The following HACD2 variants were observed in gnomAD, a reference collection of about 807,000 sequenced individuals.
HACD2 encodes the protein 3-hydroxyacyl-CoA dehydratase 2.
Under a neutral mutation model 31.0 loss-of-function variants are expected in HACD2, and 15 were observed. The observed-to-expected ratio is 0.48, with a 90% CI of 0.32 to 0.75. HACD2 has a LOEUF of 0.75. Among genes scored for constraint, HACD2 ranks in the 30% least tolerant of loss-of-function variants. HACD2 has a pLI of 0.03. For synonymous variants in HACD2, 115 were observed against 122.2 expected (o/e 0.94, Z 0.39); for missense variants, 283 against 313.0 (o/e 0.90, Z 0.72).
intron 4 of HACD2, among the ~76,000 whole-genome samples, chr3:123,509,699 C>A (rs1169140007): frequency 6.6e-6 from 1 of 152,000 alleles, no homozygotes; most frequent in East Asian, 2.0e-4. Flanking sequence ...TGGGGTTTCA[C>A]CGTGTTAGCC....
intron 3 of HACD2, among the ~76,000 whole-genome samples, chr3:123,540,754 A>G (rs1273763361): frequency 6.6e-6 from 1 of 152,150 alleles, no homozygotes; most frequent in Non-Finnish European, 1.5e-5. Flanking sequence ...CACATCACAG[A>G]CAGTTTTTTT....
chr3:123,565,645 G>A (rs1253429948), intron 3 of HACD2, among the ~76,000 whole-genome samples: 4 of 152,130 alleles, frequency 2.6e-5, no homozygotes, highest in African/African-American at 9.7e-5. Context: ...GCCAGAACCG[G>A]CTAAGATACT....
chr3:123,511,678 A>G (rs1423956272), intron 4 of HACD2, among the ~76,000 whole-genome samples: 1 of 152,198 alleles, frequency 6.6e-6, no homozygotes, highest in African/African-American at 2.4e-5. Flanking sequence ...TTGTGCATCA[A>G]CTGACCCAAG....
At chr3:123,542,065 T>G (rs2056497519) in intron 3 of HACD2, among the ~76,000 whole-genome samples, 1 of 132,590 alleles carries the variant, frequency 7.5e-6, no homozygotes, top group African/African-American at 2.9e-5. Flanking sequence ...GAGAATGGCG[T>G]GAACCCGGGA....
intron 2 of HACD2, among the ~76,000 whole-genome samples, chr3:123,576,772 T>G (rs1193290499): frequency 6.6e-6 from 1 of 152,224 alleles, no homozygotes; most frequent in Non-Finnish European, 1.5e-5. Flanking sequence ...AATCAGTTAG[T>G]GTTTGAGCCA....
At chr3:123,499,466 T>C (rs1273602046) in intron 6 of HACD2, 2 of 361,808 alleles carry the variant, frequency 5.5e-6, no homozygotes, top group Non-Finnish European at 1.1e-5. Flanking sequence ...GAAGCAGAAC[T>C]GTATCCAAGA....
chr3:123,528,898 T>C (rs149017901), intron 3 of HACD2, among the ~76,000 whole-genome samples: 99 of 152,354 alleles, frequency 6.5e-4, no homozygotes, highest in African/African-American at 2.3e-3. Flanking sequence ...TGGAAGCTCA[T>C]GGACATCAGA....
At chr3:123,505,215 G>A (rs2055959557) in intron 4 of HACD2, among the ~76,000 whole-genome samples, 1 of 152,196 alleles carries the variant, frequency 6.6e-6, no homozygotes, top group South Asian at 2.1e-4. Context: ...GGGTGAGGCA[G>A]AGACAAAGAG....
At chr3:123,559,843 C>T (rs2056709326) in intron 3 of HACD2, among the ~76,000 whole-genome samples, 1 of 152,182 alleles carries the variant, frequency 6.6e-6, no homozygotes, top group Non-Finnish European at 1.5e-5. Context: ...TCCTCGGGGA[C>T]TGTTTTTGCC....
intron 3 of HACD2, among the ~76,000 whole-genome samples, chr3:123,563,642 T>C (rs201747122): frequency 8.6e-4 from 91 of 105,206 alleles, no homozygotes; most frequent in South Asian, 1.8e-3. Flanking sequence ...AAAAAATATA[T>C]ATACACACAC....
intron 4 of HACD2, among the ~76,000 whole-genome samples, chr3:123,512,582 G>T (rs762065837): frequency 4.6e-5 from 7 of 152,188 alleles, no homozygotes; most frequent in Non-Finnish European, 8.8e-5. Flanking sequence ...GAGGTGACAG[G>T]TGGAAGAGAT....
intron 4 of HACD2, among the ~76,000 whole-genome samples, chr3:123,513,001 T>C (rs555683281): frequency 6.6e-6 from 1 of 152,284 alleles, no homozygotes; most frequent in South Asian, 2.1e-4. Context: ...GCAAAATGGC[T>C]GATTCCAGGG....
chr3:123,575,109 CA>C (rs1310494102), intron 2 of HACD2, among the ~76,000 whole-genome samples: 4 of 136,490 alleles, frequency 2.9e-5, no homozygotes, highest in Non-Finnish European at 4.5e-5. Context: ...AAAGAATTTT[CA>C]TTTTTTTTTT....
In HACD2 at chr3:123,585,039, G is replaced by A. The variant is rs1415269194; in HGVS notation, c.-12C>T. The A allele has an allele frequency of 1.7e-5, 24 of 1,423,288 alleles. No homozygotes were observed. In the South Asian group the frequency reaches 3.2e-4, roughly 19 times the overall value. The allele number at this position is 1,423,288 out of a possible 1,614,324, so 88.2% of individuals were successfully genotyped here. On this transcript the variant is annotated 5_prime_UTR_variant, in exon 1 of 7. Coordinates refer to ENST00000383657, the MANE Select transcript of HACD2 (RefSeq NM_198402.5). Reference sequence around the variant, plus strand: ...GCCACTGCCGCCATGTCAAGTGCCCGAAGCCCGCTCTCCTAGCGCGAGCGG... The same window carrying A: ...GCCACTGCCGCCATGTCAAGTGCCCAAAGCCCGCTCTCCTAGCGCGAGCGG...
intron 2 of HACD2, among the ~76,000 whole-genome samples, chr3:123,577,397 G>A (rs992241211): frequency 2.2e-4 from 33 of 152,000 alleles, no homozygotes; most frequent in Non-Finnish European, 3.7e-4. Context: ...CGAGGCTGGC[G>A]GATCATGAGG....
intron 4 of HACD2, among the ~76,000 whole-genome samples, chr3:123,526,323 T>G (rs1052550504): frequency 1.3e-5 from 2 of 152,088 alleles, no homozygotes; most frequent in African/African-American, 4.8e-5. Flanking sequence ...AGGAGTTCTG[T>G]GCAGAGAAAA....
chr3:123,510,935 TTTTTTTTTTG>T (rs1217250767), intron 4 of HACD2, among the ~76,000 whole-genome samples: 4 of 127,772 alleles, frequency 3.1e-5, no homozygotes, highest in African/African-American at 1.2e-4. Flanking sequence ...TTGCTGTGTT[TTTTTTTTTTG>T]TTTTTTTTTG....
At chr3:123,563,644 TACACACACACACAC>T (rs58761061) in intron 3 of HACD2, among the ~76,000 whole-genome samples, 211 of 112,064 alleles carry the variant, frequency 1.9e-3, no homozygotes, top group African/African-American at 8.4e-3. Context: ...AAAATATATA[TACACACACACACAC>T]ACACACACAC....
At chr3:123,525,500 T>C (rs569686255) in intron 4 of HACD2, among the ~76,000 whole-genome samples, 36 of 152,190 alleles carry the variant, frequency 2.4e-4, no homozygotes, top group Non-Finnish European at 3.5e-4. Flanking sequence ...CAATGATGCA[T>C]GTCCCATAGG....
Sources: allele counts gnomAD v4.1 joint callset (sites outside exome capture counted in the v4.1 genomes callset), GRCh38; gene constraint gnomAD v4.1.1; transcripts MANE v1.5; gene names NCBI Gene and HGNC (gene_info 2026-07-23, HGNC 2026-07-21).